The following MSRB3 variants were observed in gnomAD, a reference collection of about 807,000 sequenced individuals.
MSRB3 encodes the protein methionine-R-sulfoxide reductase B3.
Under a neutral mutation model 21.0 loss-of-function variants are expected in MSRB3, and 13 were observed. That is an observed-to-expected ratio of 0.62 (90% CI 0.40 to 0.98). The LOEUF (loss-of-function observed/expected upper bound fraction) is 0.98. Ranked by LOEUF, MSRB3 falls within the 50% of genes least tolerant of loss-of-function variation. The pLI is 0.00. For missense variants in MSRB3, 199 were observed against 230.3 expected, an observed-to-expected ratio of 0.86 and a Z score of 0.88; for synonymous variants, 87 against 88.6, an observed-to-expected ratio of 0.98 and a Z score of 0.10.
At chr12:65,382,300 A>G (rs796309230) in intron 5 of MSRB3, among the ~76,000 whole-genome samples, 4 of 152,184 alleles carry the variant, frequency 2.6e-5, no homozygotes, top group African/African-American at 9.6e-5. Context: ...TTTCTACCAA[A>G]AATAGTAACC....
At chr12:65,410,596 A>T (rs1358073454) in intron 5 of MSRB3, among the ~76,000 whole-genome samples, 1 of 152,152 alleles carries the variant, frequency 6.6e-6, no homozygotes, top group Non-Finnish European at 1.5e-5. Context: ...GTGAGCTAAG[A>T]TCGCTCCACT....
intron 5 of MSRB3, among the ~76,000 whole-genome samples, chr12:65,388,781 G>A (rs1043057540): frequency 6.6e-6 from 1 of 152,114 alleles, no homozygotes; most frequent in Non-Finnish European, 1.5e-5. Context: ...TGAGGTGGGA[G>A]GATCACCTGA....
intron 5 of MSRB3, among the ~76,000 whole-genome samples, chr12:65,420,815 G>A (rs1592621033): frequency 1.3e-5 from 2 of 152,206 alleles, no homozygotes; most frequent in Admixed American, 1.3e-4. Flanking sequence ...TTTTCTTATG[G>A]CTTCATAGTA....
intron 1 of MSRB3, chr12:65,281,818 TATCACCTTTTG>T (rs1230884868): frequency 6.6e-6 from 1 of 152,226 alleles, no homozygotes; most frequent in Non-Finnish European, 1.5e-5. Flanking sequence ...TATAATGGGT[TATCACCTTTTG>T]ATCTTACCTC....
At position 65,328,598 on chromosome 12, in the gene MSRB3, G is replaced by A. The variant is rs1875210904; in HGVS notation, c.258G>A (p.Leu86=). Residue 86 remains leucine (L), a synonymous_variant, in exon 4 of 7, where the codon TTG becomes TTA. Transcript: ENST00000308259. ...AATGTGTTGTTTGTGGAACTCCATT[G>A]TTTAAGTAAGTATGTTGAAAACCTA... ...IYKCVVCGTP[L]FKSETKFDSG... 6.2e-7 allele frequency: 1 copy of A among 1,606,802 alleles called. No individual in the cohort carries two copies. Among genetic ancestry groups the A allele is most frequent in the African/African-American group, 1.3e-5 (1 of 74,874 alleles).
At chr12:65,302,925 TAAAAG>T (rs1375173249) in intron 1 of MSRB3, among the ~76,000 whole-genome samples, 2 of 152,198 alleles carry the variant, frequency 1.3e-5, no homozygotes, top group Non-Finnish European at 2.9e-5. Flanking sequence ...ATATTCTACT[TAAAAG>T]AATGTTTTTT....
At chr12:65,337,263 C>CAA (rs201263305) in intron 4 of MSRB3, among the ~76,000 whole-genome samples, 20 of 148,832 alleles carry the variant, frequency 1.3e-4, no homozygotes, top group African/African-American at 4.9e-4. Context: ...AAAAACAAAA[C>CAA]AAAACAAAAA....
intron 5 of MSRB3, among the ~76,000 whole-genome samples, chr12:65,416,137 T>C (rs2136633757): frequency 6.6e-6 from 1 of 152,330 alleles, no homozygotes; most frequent in South Asian, 2.1e-4. Flanking sequence ...CTTAGTCAAC[T>C]TGGATACATC....
chr12:65,459,650 C>T (rs1177076920), intron 6 of MSRB3, among the ~76,000 whole-genome samples: 3 of 152,146 alleles, frequency 2.0e-5, no homozygotes, highest in Non-Finnish European at 4.4e-5. Context: ...AAAAGCCCTG[C>T]TTTGAAAATG....
chr12:65,282,676 GT>G (rs796149617), intron 1 of MSRB3, among the ~76,000 whole-genome samples: 4,445 of 133,704 alleles, frequency 0.033, 88 homozygotes, highest in African/African-American at 0.066. Flanking sequence ...CTTTGCTGGT[GT>G]TTTTTTTTTT....
chr12:65,328,139 T>C (rs1875174184), intron 3 of MSRB3, among the ~76,000 whole-genome samples: 1 of 152,194 alleles, frequency 6.6e-6, no homozygotes, highest in South Asian at 2.1e-4. Context: ...ATAAGACTCC[T>C]TCCACTTGAA....
intron 5 of MSRB3, among the ~76,000 whole-genome samples, chr12:65,441,123 T>A (rs1882358299): frequency 6.6e-6 from 1 of 151,980 alleles, no homozygotes; most frequent in Non-Finnish European, 1.5e-5. Context: ...TTTATCCGTC[T>A]GAGATTCAAC....
chr12:65,356,847 C>T (rs1565852124), intron 4 of MSRB3, among the ~76,000 whole-genome samples: 2 of 151,844 alleles, frequency 1.3e-5, no homozygotes, highest in Non-Finnish European at 2.9e-5. Context: ...TACAGATTTT[C>T]TGTCCCCAAG....
At chr12:65,285,881 C>T (rs776167560) in intron 1 of MSRB3, 12 of 152,076 alleles carry the variant, frequency 7.9e-5, no homozygotes, top group Admixed American at 2.6e-4. Flanking sequence ...AGTTCCCAGG[C>T]GAATGGTATA....
intron 2 of MSRB3, among the ~76,000 whole-genome samples, chr12:65,311,256 A>G (rs1873967434): frequency 6.6e-6 from 1 of 152,092 alleles, no homozygotes; most frequent in Non-Finnish European, 1.5e-5. Flanking sequence ...CTTACTACCC[A>G]GTACTGGTAA....
intron 1 of MSRB3, among the ~76,000 whole-genome samples, chr12:65,290,201 T>C (rs374063610): frequency 9.1e-4 from 139 of 152,274 alleles, no homozygotes; most frequent in African/African-American, 3.2e-3. Flanking sequence ...TGTCAGGCAC[T>C]ATTCTAAATA....
At chr12:65,431,633 A>C (rs1021616956) in intron 5 of MSRB3, among the ~76,000 whole-genome samples, 4 of 151,974 alleles carry the variant, frequency 2.6e-5, no homozygotes, top group African/African-American at 9.7e-5. Context: ...GGTGAAAGTC[A>C]GGTTATAGTG....
chr12:65,393,493 C>T (rs541948418), intron 5 of MSRB3, among the ~76,000 whole-genome samples: 1 of 152,066 alleles, frequency 6.6e-6, no homozygotes, highest in African/African-American at 2.4e-5. Context: ...ATTAGCCAGG[C>T]ATGGTGGTGG....
intron 4 of MSRB3, among the ~76,000 whole-genome samples, chr12:65,347,721 T>G (rs1592548269): frequency 6.6e-6 from 1 of 152,318 alleles, no homozygotes; most frequent in South Asian, 2.1e-4. Flanking sequence ...TGCCTGTGGG[T>G]TTGTCATAGA....
Sources: allele counts gnomAD v4.1 joint callset (sites outside exome capture counted in the v4.1 genomes callset), GRCh38; gene constraint gnomAD v4.1.1; transcripts MANE v1.5; gene names NCBI Gene and HGNC (gene_info 2026-07-23, HGNC 2026-07-21).